Variants in SELENOV observed in about 807,000 individuals in gnomAD.
SELENOV encodes the protein selenoprotein V.
In SELENOV, 25 loss-of-function variants were observed where a neutral mutation model predicts 21.6. That is an observed-to-expected ratio of 1.16 (90% confidence interval 0.84 to 1.62). The LOEUF (loss-of-function observed/expected upper bound fraction) is 1.62, where lower values mean the gene tolerates loss of function less well. Among genes scored for constraint, SELENOV ranks in the 40% most tolerant of loss-of-function variants. The probability of loss-of-function intolerance (pLI) is 0.00; values close to 1 mark genes in which losing one functional copy is unlikely to be tolerated. For synonymous variants in SELENOV, 227 were observed against 216.9 expected (o/e 1.05, Z -0.41); for missense variants, 472 against 459.0 (o/e 1.03, Z -0.26).
chr19:39,516,927 G>A (rs986107035), intron 1 of SELENOV, among the ~76,000 whole-genome samples: 1 of 151,898 alleles, frequency 6.6e-6, no homozygotes, highest in Non-Finnish European at 1.5e-5. Flanking sequence ...TCGATCTTCT[G>A]ACCTCGTGAT....
rs372802287 is a variant in SELENOV, at chr19:39,518,864, G to A, written c.889-39G>A. 6 of 1,612,836 alleles carry A rather than the reference G, an allele frequency of 3.7e-6. No individual in the cohort carries two copies. The African/African-American group carries it at 6.7e-5, about 18-fold the overall frequency. On this transcript the variant is annotated intron_variant, in intron 3 of 5. Coordinates refer to ENST00000335426, the Ensembl canonical transcript of SELENOV. ...TGAGATCCCCAAGGGGCTTGGAGGA[G>A]AGAGCTTAGCCTCCCCTACGCTCAC...
intron 1 of SELENOV, among the ~76,000 whole-genome samples, chr19:39,517,246 TTA>T (rs1400952500): frequency 6.6e-6 from 1 of 152,128 alleles, no homozygotes; most frequent in African/African-American, 2.4e-5. Context: ...TCTCTCCATC[TTA>T]TCTTTTCTGT....
Position 39,515,308 on chromosome 19 carries a change from G to A in SELENOV, c.96G>A (p.Arg32=), listed in dbSNP as rs1393854819. Residue 32 remains arginine, a synonymous_variant, in exon 1 of 6, where the codon CGG becomes CGA. Transcript: ENST00000335426. The surrounding 1 kb of genome is among the most constrained non-coding windows in gnomAD (Gnocchi z 5.1). ...CGACCCGGACACCGACTCCACTCCG[G>A]ACCCCGACTCCGGTCCGGACTCGGA... 4.5e-6 allele frequency: 7 copies of A among 1,551,036 alleles called. No homozygotes were observed. The highest frequency in any genetic ancestry group is 1.4e-5 in the African/African-American group (1 of 72,968).
At chr19:39,518,047 T>C (rs894844333) in intron 1 of SELENOV, among the ~76,000 whole-genome samples, 11 of 117,444 alleles carry the variant, frequency 9.4e-5, no homozygotes, top group African/African-American at 3.0e-4. Flanking sequence ...CCGAGGTGGG[T>C]GGATCACGAG....
rs60167035 is a variant in SELENOV, at chr19:39,519,490, T to TAATAAATA, written c.*22+340_*22+347dup. On this transcript the variant is annotated intron_variant, in intron 5 of 5. Coordinates refer to ENST00000335426, the Ensembl canonical transcript of SELENOV. ...AATGAGACTCTGTCTCTACAAAAAA[T>TAATAAATA]AATAAATAAATAAATAAATAAATAA... 4.4e-4 allele frequency among the ~76,000 whole-genome samples: 66 copies of TAATAAATA among 151,018 alleles called. 3 individuals carry two copies. Among genetic ancestry groups the TAATAAATA allele is most frequent in the East Asian group, 2.2e-3 (11 of 5,070 alleles).
chr19:39,517,964 CAAAAAA>C (rs56157115), intron 1 of SELENOV, among the ~76,000 whole-genome samples: 5 of 12,372 alleles, frequency 4.0e-4, no homozygotes, highest in South Asian at 6.9e-3. Context: ...GACTCTGTCT[CAAAAAA>C]AAAAAAAAAA....
At chr19:39,516,869 A>AT (rs113574964) in intron 1 of SELENOV, among the ~76,000 whole-genome samples, 28,956 of 149,258 alleles carry the variant, frequency 0.19, 2,943 homozygotes, top group East Asian at 0.32. Flanking sequence ...CTAATTTTGT[A>AT]TTTTTTTTTA....
At position 39,515,788 on chromosome 19, in the gene SELENOV, T is replaced by C. The variant is rs1362666065; in HGVS notation, c.576T>C (p.Leu192=). The change falls in exon 1 of 6, where the codon CTT becomes CTC. Residue 192 remains leucine (L), a synonymous_variant. Coordinates refer to ENST00000335426, the Ensembl canonical transcript of SELENOV. The surrounding 1 kb of genome is among the most constrained non-coding windows in gnomAD (Gnocchi z 5.1). ...AGGCCGGGCCCGCCCCGGGGCCCCT[T>C]CCCACGCGCACCCCGCTGGCCGCGA... 5.2e-6 allele frequency: 8 copies of C among 1,549,222 alleles called. No homozygotes were observed. The African/African-American group carries it at 9.6e-5, about 19-fold the overall frequency.
At position 39,516,028 on chromosome 19, in the gene SELENOV, A is replaced by G. The variant is rs780872536; in HGVS notation, c.809+7A>G. The G allele has an allele frequency of 4.4e-6, 7 of 1,573,196 alleles. No individual in the cohort carries two copies. The highest frequency in any genetic ancestry group is 1.4e-5 in the African/African-American group (1 of 73,964). Reference sequence around the variant, plus strand: ...TGATTCGAGTGACCTACTGGTGAGGACCTCACACATGCCTCTCCCAACCCC... The same window carrying G: ...TGATTCGAGTGACCTACTGGTGAGGGCCTCACACATGCCTCTCCCAACCCC... On this transcript the variant is annotated splice_region_variant and intron_variant, in intron 1 of 5. Transcript: ENST00000335426.
chr19:39,515,745 T>A lies in SELENOV; in HGVS notation c.533T>A (p.Ile178Asn), dbSNP rs1191519858. Residue 178 changes from isoleucine (I) to asparagine (N), a missense_variant, in exon 1 of 6, where the codon ATC becomes AAC. By Grantham distance (149) the Ile-to-Asn change is moderately radical (BLOSUM62 -3). Transcript: ENST00000335426. This position sits in a 1 kb window ranked among gnomAD's most constrained non-coding sequence, Gnocchi z 5.1. Reference sequence around the variant, plus strand: ...GAGCCGGCGCCGAGCCTGAAGCTCATCCCGTCGGTCTCCAGCGAGGCCGGG... The same window carrying A: ...GAGCCGGCGCCGAGCCTGAAGCTCAACCCGTCGGTCTCCAGCGAGGCCGGG... 1 of 1,549,464 alleles carries A rather than the reference T, an allele frequency of 6.5e-7. No homozygotes were observed. Among genetic ancestry groups the A allele is most frequent in the African/African-American group, 1.4e-5 (1 of 73,142 alleles).
At chr19:39,518,771 A>T in exon 3 of SELENOV, 1 of 1,613,810 alleles carries the variant, frequency 6.2e-7, no homozygotes, top group Non-Finnish European at 8.5e-7. Flanking sequence ...CTGGAGCAGC[A>T]ATTTCCGAAT....
At chr19:39,519,615 C>G in intron 5 of SELENOV, among the ~76,000 whole-genome samples, 1 of 151,584 alleles carries the variant, frequency 6.6e-6, no homozygotes, top group Non-Finnish European at 1.5e-5. Context: ...GCAATGAGCT[C>G]TGACTGGGCC....
Position 39,515,597 on chromosome 19 carries a change from C to G in SELENOV, c.385C>G (p.Gln129Glu). The change falls in exon 1 of 6, where the codon CAG (glutamine) becomes GAG (glutamate). Residue 129 changes from glutamine (Q) to glutamate (E), a missense_variant. By Grantham distance (29) the Gln-to-Glu change is conservative. Coordinates refer to ENST00000335426, the Ensembl canonical transcript of SELENOV. The surrounding 1 kb of genome is among the most constrained non-coding windows in gnomAD (Gnocchi z 5.1). ...CCGGGTCCCAGCCCCAGCCCCAGCCCAGCTCCTGGCAGGGATTCGGGCCGC... is the reference window on the plus strand; with the variant it reads ...CCGGGTCCCAGCCCCAGCCCCAGCCGAGCTCCTGGCAGGGATTCGGGCCGC... 6.5e-7 allele frequency: 1 copy of G among 1,548,886 alleles called. No homozygotes were observed. Among genetic ancestry groups the G allele is most frequent in the Non-Finnish European group, 8.7e-7 (1 of 1,146,880 alleles).
intron 5 of SELENOV, among the ~76,000 whole-genome samples, 195 bp from the exon 6 acceptor site, chr19:39,519,951 C>A (rs1451164642): frequency 9.0e-6 from 1 of 110,958 alleles, no homozygotes; most frequent in South Asian, 3.1e-4. Context: ...GGCGACAGAG[C>A]GAGACTCTGT....
At position 39,515,575 on chromosome 19, in the gene SELENOV, G is replaced by A; in HGVS notation, c.363G>A (p.Arg121=). The change falls in exon 1 of 6, where the codon CGG becomes CGA. Residue 121 remains arginine (R), a synonymous_variant. Coordinates refer to ENST00000335426, the Ensembl canonical transcript of SELENOV. The surrounding 1 kb of genome is among the most constrained non-coding windows in gnomAD (Gnocchi z 5.1). ...CTCGGACCCTGACTCCTCCAGTCCG[G>A]GTCCCAGCCCCAGCCCCAGCCCAGC... 6.5e-7 allele frequency: 1 copy of A among 1,549,340 alleles called. No homozygotes were observed. The highest frequency in any genetic ancestry group is 8.7e-7 in the Non-Finnish European group (1 of 1,146,884).
chr19:39,519,310 T>G (rs1468263476), intron 5 of SELENOV, 140 bp downstream of exon 5: 1 of 657,358 alleles, frequency 1.5e-6, no homozygotes, highest in East Asian at 2.8e-5. Context: ...CATTCTTTTC[T>G]GAGCCTCAGT....
intron 1 of SELENOV, among the ~76,000 whole-genome samples, chr19:39,518,292 AAC>A (rs1491195228): frequency 3.0e-5 from 2 of 66,836 alleles, no homozygotes; most frequent in Non-Finnish European, 6.5e-5. Flanking sequence ...AAAACAAAAA[AAC>A]AAAAAAAAAA....
At chr19:39,517,975 A>AG (rs2079705967) in intron 1 of SELENOV, among the ~76,000 whole-genome samples, 1 of 135,908 alleles carries the variant, frequency 7.4e-6, no homozygotes, top group Admixed American at 7.5e-5. Context: ...AAAAAAAAAA[A>AG]AAAAAAAAAA....
In SELENOV at chr19:39,519,008, G is replaced by A. The variant is rs77259561; in HGVS notation, c.963+31G>A. On this transcript the variant is annotated intron_variant, in intron 4 of 5. Transcript: ENST00000335426. ...CCTGAGTAAAGGTCCGGGACAGGGA[G>A]GTGGGGTGGTGCTGAGGTCCTGGGG... 1.9e-3 allele frequency: 3,129 copies of A among 1,613,138 alleles called. 70 individuals carry two copies. The East Asian group carries it at 0.055, about 28-fold the overall frequency.
Sources: allele counts gnomAD v4.1 joint callset (sites outside exome capture counted in the v4.1 genomes callset), GRCh38; gene constraint gnomAD v4.1.1; non-coding constraint Gnocchi (gnomAD v3.1); transcripts MANE v1.5; gene names NCBI Gene and HGNC (gene_info 2026-07-23, HGNC 2026-07-21).